The following SNTG1 variants were observed in gnomAD, a reference collection of about 807,000 sequenced individuals.
SNTG1 encodes gamma-1-syntrophin.
SNTG1 carries 39 observed loss-of-function variants against 74.7 expected under a neutral mutation model. The observed-to-expected ratio is 0.52, with a 90% CI of 0.40 to 0.68. The LOEUF is 0.68. Ranked by LOEUF, SNTG1 falls within the 30% of genes least tolerant of loss-of-function variation. SNTG1 has a pLI of 0.00. For missense variants in SNTG1, 685 were observed against 609.5 expected, an observed-to-expected ratio of 1.12 and a Z score of -1.30; for synonymous variants, 254 against 217.1, an observed-to-expected ratio of 1.17 and a Z score of -1.49.
chr8:50,632,451 C>G (rs905850102), intron 13 of SNTG1, among the ~76,000 whole-genome samples: 1 of 152,056 alleles, frequency 6.6e-6, no homozygotes. Flanking sequence ...GTTGGGACCA[C>G]AGGCATGCAC....
intron 8 of SNTG1, among the ~76,000 whole-genome samples, chr8:50,465,787 G>C (rs771972971): frequency 3.9e-5 from 6 of 152,140 alleles, no homozygotes; most frequent in Admixed American, 1.3e-4. Context: ...AGCTCTTTTT[G>C]TTACTGAAGA....
At chr8:50,492,204 A>C (rs527931171) in intron 8 of SNTG1, among the ~76,000 whole-genome samples, 10 of 152,196 alleles carry the variant, frequency 6.6e-5, no homozygotes, top group Non-Finnish European at 1.3e-4. Flanking sequence ...ATATGTGTGC[A>C]TGTGTCTTTA....
chr8:50,394,204 CT>C lies in SNTG1; in HGVS notation c.-27-4del. 2 of 1,612,118 alleles carry C rather than the reference CT, an allele frequency of 1.2e-6. No homozygotes were observed. Among genetic ancestry groups the C allele is most frequent in the Non-Finnish European group, 1.7e-6 (2 of 1,178,830 alleles). On this transcript the variant is annotated splice_polypyrimidine_tract_variant and splice_region_variant and intron_variant, in intron 2 of 18. Coordinates refer to ENST00000642720, the MANE Select transcript of SNTG1 (RefSeq NM_018967.5). ...GCCTAATGGCTTACCATTTCTGTGT[CT>C]TTTCAGACGACATCCTTTGTGGTGC... is the stretch of plus-strand genomic sequence containing the variant.
intron 11 of SNTG1, among the ~76,000 whole-genome samples, chr8:50,547,136 C>G (rs2094393868): frequency 6.6e-6 from 1 of 152,170 alleles, no homozygotes; most frequent in Non-Finnish European, 1.5e-5. Context: ...GCACCCACGT[C>G]TGATGCGGCA....
intron 1 of SNTG1, among the ~76,000 whole-genome samples, chr8:50,046,898 C>T (rs1314362856): frequency 2.6e-5 from 4 of 152,080 alleles, no homozygotes; most frequent in Non-Finnish European, 5.9e-5. Context: ...TAAGTTTTTG[C>T]ATTATTTACA....
chr8:50,010,751 T>A (rs1282698988), intron 1 of SNTG1, among the ~76,000 whole-genome samples: 1 of 150,716 alleles, frequency 6.6e-6, no homozygotes, highest in East Asian at 2.0e-4. Flanking sequence ...ACTGGGTGAC[T>A]ATTTACCTGA....
At chr8:50,384,240 A>C (rs549918486) in intron 2 of SNTG1, among the ~76,000 whole-genome samples, 12 of 152,190 alleles carry the variant, frequency 7.9e-5, no homozygotes, top group Non-Finnish European at 1.3e-4. Flanking sequence ...GCCAACTTCA[A>C]GATGGTGGGA....
At chr8:50,285,421 G>A (rs573564685) in intron 2 of SNTG1, among the ~76,000 whole-genome samples, 4 of 152,240 alleles carry the variant, frequency 2.6e-5, no homozygotes, top group South Asian at 4.1e-4. Flanking sequence ...ACTCCAGCCT[G>A]TGAGACAGAG....
chr8:50,754,833 C>T (rs1361987235), intron 18 of SNTG1, among the ~76,000 whole-genome samples: 1 of 151,730 alleles, frequency 6.6e-6, no homozygotes, highest in African/African-American at 2.4e-5. Flanking sequence ...TTGCTGCATC[C>T]CCAAAATTCT....
chr8:50,422,371 G>A (rs187361882), intron 4 of SNTG1, among the ~76,000 whole-genome samples: 1 of 151,938 alleles, frequency 6.6e-6, no homozygotes, highest in Admixed American at 6.6e-5. Context: ...CAACCAACCA[G>A]ATCTAATGAG....
chr8:50,517,398 T>C (rs934939961), intron 9 of SNTG1, among the ~76,000 whole-genome samples: 4 of 151,790 alleles, frequency 2.6e-5, no homozygotes, highest in Middle Eastern at 3.4e-3. Context: ...ACAGGCAAAA[T>C]AACTGGGTAG....
At chr8:50,054,142 A>G (rs553585118) in intron 1 of SNTG1, among the ~76,000 whole-genome samples, 13 of 152,172 alleles carry the variant, frequency 8.5e-5, no homozygotes, top group African/African-American at 3.1e-4. Context: ...CAATTTCAGC[A>G]TTGGGTCTCT....
intron 1 of SNTG1, among the ~76,000 whole-genome samples, chr8:50,023,041 T>G (rs561793982): frequency 6.6e-6 from 1 of 152,314 alleles, no homozygotes. Flanking sequence ...ATAGGAAAAC[T>G]ATGTCAACAC....
chr8:49,963,018 G>T (rs1415506312), intron 1 of SNTG1, among the ~76,000 whole-genome samples: 1 of 152,222 alleles, frequency 6.6e-6, no homozygotes, highest in Non-Finnish European at 1.5e-5. Context: ...CCAGAGGCGG[G>T]AAGCGCAATC....
chr8:50,555,635 G>A (rs1449894876), intron 12 of SNTG1, among the ~76,000 whole-genome samples: 1 of 152,142 alleles, frequency 6.6e-6, no homozygotes, highest in Admixed American at 6.5e-5. Flanking sequence ...GAGAGTATAG[G>A]CTTGTATAAG....
intron 11 of SNTG1, among the ~76,000 whole-genome samples, chr8:50,551,589 C>T (rs1370806053): frequency 6.6e-6 from 1 of 152,160 alleles, no homozygotes. Flanking sequence ...AAACTTCTGT[C>T]TGAATACTTT....
At chr8:50,076,222 T>A (rs1467116574) in intron 1 of SNTG1, among the ~76,000 whole-genome samples, 1 of 152,188 alleles carries the variant, frequency 6.6e-6, no homozygotes, top group Non-Finnish European at 1.5e-5. Flanking sequence ...GCTAATTTAG[T>A]TGAGGTCAAG....
In SNTG1 at chr8:50,074,482, C is replaced by T. The variant is rs189867473; in HGVS notation, c.-102-98079C>T. On this transcript the variant is annotated intron_variant, in intron 1 of 18. Transcript: ENST00000642720. ...TGTTGTGGCTTTGGATCAGGGAGGT[C>T]CGAGTAGAGTGAGAGAGATAGAGAA... Among the ~76,000 whole-genome samples the T allele has an allele frequency of 4.6e-3, 705 of 152,132 alleles. 5 individuals are homozygous for T. Among genetic ancestry groups the T allele is most frequent in the African/African-American group, 0.016 (663 of 41,500 alleles).
chr8:50,680,841 G>C (rs2095328101), intron 15 of SNTG1, among the ~76,000 whole-genome samples: 1 of 152,122 alleles, frequency 6.6e-6, no homozygotes, highest in Non-Finnish European at 1.5e-5. Context: ...CTTGCAGACA[G>C]TAAATGACCC....
Sources: gnomAD v4.1 joint callset for allele counts (sites outside exome capture counted in the v4.1 genomes callset) on GRCh38, gnomAD v4.1.1 for gene constraint, MANE v1.5 for transcripts, NCBI Gene and HGNC (gene_info 2026-07-23, HGNC 2026-07-21) for gene names.